RICTOR: variants seen among roughly 807,000 people sequenced by gnomAD.
RICTOR encodes RPTOR independent companion of MTOR complex 2, also known as rapamycin-insensitive companion of mTOR.
In RICTOR, 49 loss-of-function variants were observed where a neutral mutation model predicts 214.9. The observed-to-expected ratio is 0.23, with a 90% CI of 0.18 to 0.29. The LOEUF (loss-of-function observed/expected upper bound fraction) is 0.29, where lower values mean the gene tolerates loss of function less well. Among genes scored for constraint, RICTOR ranks in the 10% least tolerant of loss-of-function variants. RICTOR has a pLI of 1.00. For synonymous variants in RICTOR, 717 were observed against 711.3 expected, an observed-to-expected ratio of 1.01 and a Z score of -0.13; for missense variants, 1,625 against 2,047.0, an observed-to-expected ratio of 0.79 and a Z score of 3.98.
At chr5:39,060,891 C>T (rs1758496889) in intron 2 of RICTOR, among the ~76,000 whole-genome samples, 1 of 151,792 alleles carries the variant, frequency 6.6e-6, no homozygotes. Flanking sequence ...TGAACCCCAC[C>T]TCTCTCTCTC....
chr5:38,991,091 T>A lies in RICTOR; in HGVS notation c.457-16A>T. 1.9e-6 allele frequency: 3 copies of A among 1,570,956 alleles called. No homozygotes were observed. Among genetic ancestry groups the A allele is most frequent in the South Asian group, 1.2e-5 (1 of 85,810 alleles). ...CAGTAATCATCTGTAACAGAAGGAATCAGAAAAAGAAGTTACTTTAGTAAT... is the reference window on the plus strand; with the variant it reads ...CAGTAATCATCTGTAACAGAAGGAAACAGAAAAAGAAGTTACTTTAGTAAT... On this transcript the variant is annotated splice_polypyrimidine_tract_variant and intron_variant, in intron 6 of 37. Coordinates refer to ENST00000357387, the MANE Select transcript of RICTOR (RefSeq NM_152756.5).
At chr5:38,976,553 T>G (rs1212230840) in intron 9 of RICTOR, among the ~76,000 whole-genome samples, 1 of 152,038 alleles carries the variant, frequency 6.6e-6, no homozygotes, top group Non-Finnish European at 1.5e-5. Flanking sequence ...CGGGGGTGGC[T>G]TGGAAGAAGG....
At chr5:39,049,799 GA>G (rs1476735834) in intron 2 of RICTOR, among the ~76,000 whole-genome samples, 5 of 152,130 alleles carry the variant, frequency 3.3e-5, no homozygotes, top group Non-Finnish European at 5.9e-5. Flanking sequence ...AAGAATTAAT[GA>G]ACGAAGAAAG....
At chr5:38,960,337 A>C (rs1165713235) in intron 20 of RICTOR, 61 bp downstream of exon 20, 1 of 1,494,520 alleles carries the variant, frequency 6.7e-7, no homozygotes, top group Non-Finnish European at 9.2e-7. Flanking sequence ...AAACAGAGGG[A>C]GGGTAAGGGA....
At chr5:39,015,536 G>A (rs1287999588) in intron 3 of RICTOR, among the ~76,000 whole-genome samples, 1 of 151,876 alleles carries the variant, frequency 6.6e-6, no homozygotes, top group Non-Finnish European at 1.5e-5. Context: ...CTGGTTTGGG[G>A]TGGGGGTGCT....
intron 2 of RICTOR, among the ~76,000 whole-genome samples, chr5:39,056,208 G>T (rs186295865): frequency 6.6e-6 from 1 of 152,144 alleles, no homozygotes. Flanking sequence ...CACTTACTAT[G>T]TCCCAGGGCT....
At chr5:39,044,346 T>A (rs1757350122) in intron 2 of RICTOR, among the ~76,000 whole-genome samples, 1 of 152,186 alleles carries the variant, frequency 6.6e-6, no homozygotes. Context: ...CCTTTTATAG[T>A]AAACAAGACT....
At chr5:39,039,315 T>A (rs1423481454) in intron 2 of RICTOR, among the ~76,000 whole-genome samples, 1 of 152,024 alleles carries the variant, frequency 6.6e-6, no homozygotes, top group African/African-American at 2.4e-5. Context: ...AAAAATTAAT[T>A]CAACATGGAT....
At chr5:38,994,660 A>G (rs1199734059) in intron 6 of RICTOR, among the ~76,000 whole-genome samples, 1 of 152,162 alleles carries the variant, frequency 6.6e-6, no homozygotes, top group East Asian at 1.9e-4. Context: ...TATGTGAGTC[A>G]ACTACTCTGC....
chr5:39,061,766 G>C (rs1758556179), intron 2 of RICTOR, among the ~76,000 whole-genome samples: 1 of 151,762 alleles, frequency 6.6e-6, no homozygotes, highest in Non-Finnish European at 1.5e-5. Context: ...CAGTTTACCT[G>C]AATCTTAATC....
chr5:38,962,066 A>T (rs554546889), intron 19 of RICTOR, among the ~76,000 whole-genome samples: 1 of 152,170 alleles, frequency 6.6e-6, no homozygotes, highest in African/African-American at 2.4e-5. Flanking sequence ...CAATTTGAAA[A>T]ACTTTTATCT....
At position 38,940,023 on chromosome 5, in the gene RICTOR, T is replaced by TTC. The variant is rs1747365268; in HGVS notation, c.*2280_*2281insGA. 4.4e-6 allele frequency: 1 copy of TTC among 226,652 alleles called. No individual in the cohort carries two copies. Among genetic ancestry groups the TTC allele is most frequent in the South Asian group, 1.8e-4 (1 of 5,442 alleles). 14.0% of individuals were successfully genotyped at this position (226,652 alleles called of 1,614,324 possible). On this transcript the variant is annotated 3_prime_UTR_variant, in exon 38 of 38. Transcript: ENST00000357387. Reference sequence around the variant, plus strand: ...CACTATAAATTTAAGCGTAGACTTTTTTTTTTTTTTAGTATACTGATAACC... The same window carrying TTC: ...CACTATAAATTTAAGCGTAGACTTTTTCTTTTTTTTTTAGTATACTGATAACC...
chr5:39,052,476 A>C (rs1182009380), intron 2 of RICTOR, among the ~76,000 whole-genome samples: 1 of 152,190 alleles, frequency 6.6e-6, no homozygotes, highest in Non-Finnish European at 1.5e-5. Flanking sequence ...GGGAGTTTGA[A>C]AGGATGTAAT....
chr5:39,003,774 T>C, intron 3 of RICTOR, 152 bp from the exon 4 acceptor site: 1 of 472,778 alleles, frequency 2.1e-6, no homozygotes, highest in Non-Finnish European at 3.8e-6. Context: ...GCTTTATTTG[T>C]ATCATCTATT....
intron 11 of RICTOR, among the ~76,000 whole-genome samples, chr5:38,969,383 GTTTGTGT>G (rs2150036842): frequency 6.6e-6 from 1 of 152,146 alleles, no homozygotes; most frequent in East Asian, 1.9e-4. Context: ...TATACAATGT[GTTTGTGT>G]TTTAAGCTAA....
At chr5:39,063,864 A>G (rs1388100739) in intron 2 of RICTOR, among the ~76,000 whole-genome samples, 1 of 152,180 alleles carries the variant, frequency 6.6e-6, no homozygotes, top group East Asian at 1.9e-4. Context: ...TAATTGAAGG[A>G]CGCAGATTCT....
chr5:39,021,670 GGATGACATGGCAAGAAGGCACTTACTA>G (rs1249069711), intron 2 of RICTOR, among the ~76,000 whole-genome samples: 3 of 152,020 alleles, frequency 2.0e-5, no homozygotes, highest in Non-Finnish European at 2.9e-5. Flanking sequence ...TTCCAGCATG[GGATGACATGGCAAGAAGGCACTTACTA>G]GATGAAGGCC....
intron 35 of RICTOR, 104 bp downstream of exon 35, chr5:38,944,809 G>A: frequency 8.4e-7 from 1 of 1,185,172 alleles, no homozygotes; most frequent in African/African-American, 1.5e-5. Context: ...ACGTATTACT[G>A]TTTTGAGACA....
At chr5:38,973,808 C>T (rs998294006) in intron 10 of RICTOR, among the ~76,000 whole-genome samples, 3 of 152,062 alleles carry the variant, frequency 2.0e-5, no homozygotes, top group Non-Finnish European at 4.4e-5. Context: ...GGCTGTTGCA[C>T]CTCATTAAAA....
Sources: allele counts gnomAD v4.1 joint callset (sites outside exome capture counted in the v4.1 genomes callset), GRCh38; gene constraint gnomAD v4.1.1; transcripts MANE v1.5; gene names NCBI Gene and HGNC (gene_info 2026-07-23, HGNC 2026-07-21).